EFHC2: variants seen among roughly 807,000 people sequenced by gnomAD.
EFHC2 encodes the protein EF-hand domain containing 2.
EFHC2 carries 18 observed loss-of-function variants against 52.7 expected under a neutral mutation model. The observed-to-expected ratio is 0.34, with a 90% CI of 0.24 to 0.51. EFHC2 has a LOEUF of 0.51. EFHC2 is among the 20% of genes least tolerant of loss of function. The pLI, the probability that EFHC2 is intolerant of heterozygous loss-of-function variation, is 0.97. For missense variants in EFHC2, 513 were observed against 562.5 expected (o/e 0.91, Z 0.89); for synonymous variants, 203 against 204.1 (o/e 0.99, Z 0.04).
intron 3 of EFHC2, among the ~76,000 whole-genome samples, chrX:44,263,384 T>C (rs913821724): frequency 4.4e-5 from 5 of 112,429 alleles, no homozygotes; most frequent in East Asian, 2.8e-4. Context: ...AGGAACTGTG[T>C]TGGGCTCTCT....
chrX:44,207,711 C>T (rs1024344215), intron 11 of EFHC2, among the ~76,000 whole-genome samples: 2 of 112,049 alleles, frequency 1.8e-5, no homozygotes, highest in African/African-American at 3.2e-5. Context: ...ATGGAGTAAA[C>T]AGACAACCCA....
intron 1 of EFHC2, among the ~76,000 whole-genome samples, chrX:44,327,085 T>C (rs979111845): frequency 9.0e-6 from 1 of 111,167 alleles, no homozygotes; most frequent in Non-Finnish European, 1.9e-5. Flanking sequence ...ACTCAACTAG[T>C]ATAAGTGGTG....
At chrX:44,283,130 GAC>G (rs2037720713) in intron 2 of EFHC2, among the ~76,000 whole-genome samples, 1 of 111,996 alleles carries the variant, frequency 8.9e-6, no homozygotes, top group Admixed American at 9.4e-5. Context: ...CATGGACTCT[GAC>G]ATCTCCAAAG....
chrX:44,209,552 T>C (rs944146416), intron 11 of EFHC2, among the ~76,000 whole-genome samples: 3 of 110,970 alleles, frequency 2.7e-5, no homozygotes, highest in Admixed American at 9.5e-5. Flanking sequence ...AGAAACTAAA[T>C]TTTAAAACAT....
At chrX:44,303,260 C>G (rs1208065716) in intron 2 of EFHC2, among the ~76,000 whole-genome samples, 2 of 111,216 alleles carry the variant, frequency 1.8e-5, no homozygotes, top group Non-Finnish European at 3.8e-5. Context: ...AAGACAAAAC[C>G]AAGACCACTC....
chrX:44,320,163 G>A (rs111928141), intron 1 of EFHC2, among the ~76,000 whole-genome samples: 1,168 of 111,650 alleles, frequency 0.01, 13 homozygotes, highest in African/African-American at 0.037. Context: ...GACTGGTCTT[G>A]AACTCCCAGC....
intron 3 of EFHC2, among the ~76,000 whole-genome samples, chrX:44,263,635 C>A (rs2037556948): frequency 8.9e-6 from 1 of 111,856 alleles, no homozygotes; most frequent in Admixed American, 9.5e-5. Context: ...AAACAGTATG[C>A]AAATTATTTA....
At chrX:44,238,813 TCTTTA>T (rs1366135485) in intron 8 of EFHC2, among the ~76,000 whole-genome samples, 1 of 111,423 alleles carries the variant, frequency 9.0e-6, no homozygotes, top group Non-Finnish European at 1.9e-5. Flanking sequence ...CTTAATACCT[TCTTTA>T]TTTTTTTCAC....
At chrX:44,200,163 T>C (rs1430882121) in intron 11 of EFHC2, among the ~76,000 whole-genome samples, 1 of 111,907 alleles carries the variant, frequency 8.9e-6, no homozygotes, top group Non-Finnish European at 1.9e-5. Context: ...AACTCTAGTT[T>C]GGTAAATTTT....
chrX:44,327,431 CTTAT>C (rs1170776331), intron 1 of EFHC2, among the ~76,000 whole-genome samples: 5 of 111,600 alleles, frequency 4.5e-5, no homozygotes, highest in African/African-American at 1.3e-4. Flanking sequence ...ATTAACACAA[CTTAT>C]TTTTCTATTT....
intron 3 of EFHC2, among the ~76,000 whole-genome samples, chrX:44,263,486 A>G (rs904608073): frequency 8.9e-6 from 1 of 112,282 alleles, no homozygotes; most frequent in African/African-American, 3.2e-5. Flanking sequence ...ATTTTTAATT[A>G]CTTGGTGCAT....
rs1173916955 is a variant in EFHC2, at chrX:44,242,363, T to TA, written c.1112-75dup. 13 of 1,067,196 alleles carry TA rather than the reference T, an allele frequency of 1.2e-5. No homozygotes were observed. In the Admixed American group the frequency reaches 3.9e-4, roughly 32 times the overall value. 87.9% of individuals were successfully genotyped at this position (1,067,196 alleles called of 1,213,427 possible). A position where few individuals can be genotyped will look rare whatever the true frequency, so the allele number is the denominator to read the frequency against. ...ATTATGGCTGTTTTGAAAGGTTTGT[T>TA]ATGTTTTCAAGATGAACATGGAGAT... On this transcript the variant is annotated intron_variant, in intron 7 of 14. Coordinates refer to ENST00000420999, the MANE Select transcript of EFHC2 (RefSeq NM_025184.4).
rs1156310882 is a variant in EFHC2 at position 44,250,444 on chromosome X, A to G, written c.608T>C (p.Val203Ala). ...EDPYMKIRRE[V>A]VEHVEPLRPY... is the part of the protein sequence containing the mutation. ...ACGTAAGGGCTCTACGTGTTCTACA[A>G]CCTGCAAATGGAGAAAATGTCAATA... is the stretch of plus-strand genomic sequence containing the variant. The change falls in exon 5 of 15, where the codon GTT (valine) becomes GCT (alanine). Residue 203 changes from valine to alanine, a missense_variant and splice_region_variant. Transcript: ENST00000420999. The G allele has an allele frequency of 7.6e-6, 9 of 1,185,814 alleles. No individual in the cohort carries two copies. Among genetic ancestry groups the G allele is most frequent in the African/African-American group, 1.8e-5 (1 of 56,350 alleles).
At chrX:44,194,676 A>G (rs1424411847) in intron 11 of EFHC2, among the ~76,000 whole-genome samples, 1 of 111,875 alleles carries the variant, frequency 8.9e-6, no homozygotes, top group Non-Finnish European at 1.9e-5. Context: ...ATAAGGGAAA[A>G]TGAGCACGAA....
At chrX:44,213,551 T>A (rs1315995502) in intron 11 of EFHC2, among the ~76,000 whole-genome samples, 4 of 111,956 alleles carry the variant, frequency 3.6e-5, no homozygotes, top group African/African-American at 1.3e-4. Flanking sequence ...GCTTCTAGGT[T>A]ATAGGTAGAT....
intron 14 of EFHC2, among the ~76,000 whole-genome samples, chrX:44,151,225 G>A (rs1470563227): frequency 9.0e-6 from 1 of 111,595 alleles, no homozygotes; most frequent in Non-Finnish European, 1.9e-5. Flanking sequence ...TCAGTCTGTG[G>A]TACTTTGTGA....
chrX:44,266,506 T>C (rs760657938), intron 3 of EFHC2, among the ~76,000 whole-genome samples: 1 of 110,327 alleles, frequency 9.1e-6, no homozygotes, highest in South Asian at 3.9e-4. Flanking sequence ...CCAGCTAATT[T>C]TTATATTTTT....
chrX:44,286,351 G>C (rs1321854461), intron 2 of EFHC2: 1 of 112,672 alleles, frequency 8.9e-6, no homozygotes, highest in Non-Finnish European at 1.9e-5. Flanking sequence ...TCAAGGATGT[G>C]TTTGAAGAAT....
intron 1 of EFHC2, 122 bp from the exon 2 acceptor site, chrX:44,312,878 G>A: frequency 1.6e-6 from 1 of 634,667 alleles, no homozygotes; most frequent in Non-Finnish European, 2.3e-6. Context: ...TGCAAATAAA[G>A]TGGCAAATAA....
Sources: allele counts gnomAD v4.1 joint callset (sites outside exome capture counted in the v4.1 genomes callset), GRCh38; gene constraint gnomAD v4.1.1; transcripts MANE v1.5; gene names NCBI Gene and HGNC (gene_info 2026-07-23, HGNC 2026-07-21).